Variants in TACC2 observed in about 807,000 individuals in gnomAD.
The protein encoded by TACC2 is transforming acidic coiled-coil-containing protein 2.
In TACC2, 137 loss-of-function variants were observed where a neutral mutation model predicts 227.3. The observed-to-expected ratio is 0.60, with a 90% CI of 0.52 to 0.69. The LOEUF (loss-of-function observed/expected upper bound fraction) is 0.69. TACC2 is among the 30% of genes least tolerant of loss of function. TACC2 has a pLI of 0.00. For synonymous variants in TACC2, 1,523 were observed against 1,487.5 expected, an observed-to-expected ratio of 1.02 and a Z score of -0.55; for missense variants, 3,470 against 3,694.4, an observed-to-expected ratio of 0.94 and a Z score of 1.57.
intron 3 of TACC2, among the ~76,000 whole-genome samples, chr10:122,075,545 G>A (rs1032165941): frequency 6.6e-6 from 1 of 152,152 alleles, no homozygotes; most frequent in Admixed American, 6.5e-5. Context: ...AAAGAATATG[G>A]CAGAAGCATC....
At chr10:121,999,570 G>A (rs1223947555) in intron 1 of TACC2, among the ~76,000 whole-genome samples, 1 of 152,256 alleles carries the variant, frequency 6.6e-6, no homozygotes, top group Non-Finnish European at 1.5e-5. Flanking sequence ...CCTGGTGGAA[G>A]TTTCCCTATT....
chr10:122,161,827 A>C (rs1467586611), intron 7 of TACC2, among the ~76,000 whole-genome samples: 1 of 152,278 alleles, frequency 6.6e-6, no homozygotes, highest in Non-Finnish European at 1.5e-5. Context: ...AAACAGTAGT[A>C]GCCCAGGTTA....
At chr10:122,198,415 A>C (rs2094651284) in intron 8 of TACC2, among the ~76,000 whole-genome samples, 1 of 152,200 alleles carries the variant, frequency 6.6e-6, no homozygotes, top group African/African-American at 2.4e-5. Flanking sequence ...TGGTTGGCTG[A>C]TGTACAGTGA....
rs145179415 is a variant in TACC2 at position 122,237,506 on chromosome 10, C to T, written c.8239C>T (p.Leu2747=). 6.1e-4 allele frequency: 988 copies of T among 1,614,022 alleles called. No homozygotes were observed. The highest frequency in any genetic ancestry group is 7.7e-4 in the Non-Finnish European group (914 of 1,179,924). ...PAGLLFQQPD[L]DSALQIARAE... Reference sequence around the variant, plus strand: ...AGGCCTTCTGTTCCAGCAGCCCGACCTGGACTCTGCCCTCCAGATCGCCAG... The same window carrying T: ...AGGCCTTCTGTTCCAGCAGCCCGACTTGGACTCTGCCCTCCAGATCGCCAG... Residue 2747 remains leucine, a synonymous_variant, in exon 17 of 23, where the codon CTG becomes TTG. Transcript: ENST00000369005.
At chr10:122,051,765 C>CTTTTTTT (rs56185263) in intron 3 of TACC2, 28 of 122,450 alleles carry the variant, frequency 2.3e-4, no homozygotes, top group Middle Eastern at 5.1e-3. Context: ...CTCAAAGTGA[C>CTTTTTTT]TTTTTTTTTT....
Position 122,166,040 on chromosome 10 carries a change from A to C in TACC2, c.5834+22334A>C, listed in dbSNP as rs1465355052. On this transcript the variant is annotated intron_variant, in intron 7 of 22. Transcript: ENST00000369005. Reference sequence around the variant, plus strand: ...AAAAATGCATGCACGTGAATAATACACAAGACAGCAACAGAGTGTGGGGCC... The same window carrying C: ...AAAAATGCATGCACGTGAATAATACCCAAGACAGCAACAGAGTGTGGGGCC... 2.0e-5 allele frequency among the ~76,000 whole-genome samples: 3 copies of C among 152,366 alleles called. No individual in the cohort carries two copies. The East Asian group carries it at 5.8e-4, about 29-fold the overall frequency.
intron 6 of TACC2, among the ~76,000 whole-genome samples, chr10:122,134,666 A>G (rs573621297): frequency 6.6e-6 from 1 of 152,198 alleles, no homozygotes; most frequent in East Asian, 1.9e-4. Context: ...CCACCGTTTT[A>G]GGAAGACCCA....
intron 5 of TACC2, among the ~76,000 whole-genome samples, chr10:122,109,687 T>G (rs1481580058): frequency 6.6e-6 from 1 of 152,250 alleles, no homozygotes; most frequent in Admixed American, 6.5e-5. Context: ...TGGCATTTGC[T>G]TCAAAACAAT....
At chr10:122,009,878 A>G (rs1955707974) in intron 1 of TACC2, among the ~76,000 whole-genome samples, 2 of 152,094 alleles carry the variant, frequency 1.3e-5, no homozygotes, top group Admixed American at 6.6e-5. Flanking sequence ...GTGAGCCAAG[A>G]TTGCACCACT....
chr10:122,130,783 G>A (rs1427835247), intron 5 of TACC2, among the ~76,000 whole-genome samples: 6 of 152,264 alleles, frequency 3.9e-5, no homozygotes, highest in East Asian at 1.9e-4. Context: ...CATAAAGGTC[G>A]TTGTGAGGAT....
intron 12 of TACC2, among the ~76,000 whole-genome samples, chr10:122,225,827 G>A (rs898446531): frequency 1.3e-5 from 2 of 152,140 alleles, no homozygotes; most frequent in Non-Finnish European, 2.9e-5. Flanking sequence ...CATACCTGCC[G>A]GCCGTTGCAG....
At position 122,088,706 on chromosome 10, in the gene TACC2, A is replaced by G. The variant is rs2080368044; in HGVS notation, c.5573+115A>G. On this transcript the variant is annotated intron_variant, in intron 5 of 22. Coordinates refer to ENST00000369005, the MANE Select transcript of TACC2 (RefSeq NM_206862.4). ...TACAGCATGAGTTCCTACATAAGAA[A>G]GAAGCAAATGGCCATTCCCGTTTTA... is the stretch of plus-strand genomic sequence containing the variant. 3 of 1,546,572 alleles carry G rather than the reference A, an allele frequency of 1.9e-6. No homozygotes were observed. In the African/African-American group the frequency reaches 4.1e-5, roughly 21 times the overall value.
intron 16 of TACC2, among the ~76,000 whole-genome samples, chr10:122,234,344 T>C (rs962446879): frequency 6.6e-6 from 1 of 152,248 alleles, no homozygotes; most frequent in Non-Finnish European, 1.5e-5. Flanking sequence ...GGTTGGAAAT[T>C]GGTTACAAAG....
At chr10:122,216,950 G>A (rs754494042) in intron 11 of TACC2, 122 bp downstream of exon 11, 49 of 1,553,208 alleles carry the variant, frequency 3.2e-5, no homozygotes, top group Middle Eastern at 1.7e-4. Flanking sequence ...TTGTGAGATC[G>A]TCTGCACGTC....
Position 122,088,471 on chromosome 10 carries a change from A to G in TACC2, c.5460-7A>G, listed in dbSNP as rs772270784. Reference sequence around the variant, plus strand: ...ATCCTATTAATTGCTTTCTTTTATTATCCCAGAGAGAGCCCCAGGCCTGGC... The same window carrying G: ...ATCCTATTAATTGCTTTCTTTTATTGTCCCAGAGAGAGCCCCAGGCCTGGC... On this transcript the variant is annotated splice_polypyrimidine_tract_variant and splice_region_variant and intron_variant, in intron 4 of 22. Coordinates refer to ENST00000369005, the MANE Select transcript of TACC2 (RefSeq NM_206862.4). The G allele has an allele frequency of 1.2e-5, 19 of 1,608,558 alleles. No individual in the cohort carries two copies. Among genetic ancestry groups the G allele is most frequent in the Non-Finnish European group, 1.4e-5 (17 of 1,177,098 alleles).
chr10:122,054,512 A>T (rs1180264150), intron 3 of TACC2, among the ~76,000 whole-genome samples: 1 of 152,190 alleles, frequency 6.6e-6, no homozygotes, highest in African/African-American at 2.4e-5. Context: ...CTTAAGACAC[A>T]ACTGATTTTA....
intron 3 of TACC2, chr10:122,052,677 C>G (rs11200369): frequency 7.5e-6 from 1 of 133,888 alleles, no homozygotes. Context: ...AGTGAGACTA[C>G]GCCTCAAAAA....
intron 3 of TACC2, among the ~76,000 whole-genome samples, chr10:122,065,172 G>A (rs928200305): frequency 6.6e-6 from 1 of 152,124 alleles, no homozygotes; most frequent in African/African-American, 2.4e-5. Flanking sequence ...GTAGTATTAG[G>A]TATAATCACA....
At position 122,203,266 on chromosome 10, in the gene TACC2, G is replaced by A. The variant is rs564230090; in HGVS notation, c.5972-7131G>A. 1.1e-4 allele frequency among the ~76,000 whole-genome samples: 16 copies of A among 143,792 alleles called. 2 individuals are homozygous for A. The highest frequency in any genetic ancestry group is 4.6e-4 in the African/African-American group (16 of 34,834). 94.3% of individuals were successfully genotyped at this position (143,792 alleles called of 152,430 possible). A position where few individuals can be genotyped will look rare whatever the true frequency, so the allele number is the denominator to read the frequency against. ...CAGAGGCACCCCTCACCTCCCGGAC[G>A]GGGCGGCTGGCCGGGCAGAGGGGCT... On this transcript the variant is annotated intron_variant, in intron 8 of 22. Coordinates refer to ENST00000369005, the MANE Select transcript of TACC2 (RefSeq NM_206862.4).
Sources: allele counts gnomAD v4.1 joint callset (sites outside exome capture counted in the v4.1 genomes callset), GRCh38; gene constraint gnomAD v4.1.1; transcripts MANE v1.5; gene names NCBI Gene and HGNC (gene_info 2026-07-23, HGNC 2026-07-21).